Variants in PIBF1 observed in about 807,000 individuals in gnomAD.
PIBF1 encodes progesterone-induced-blocking factor 1.
PIBF1 carries 90 observed loss-of-function variants against 112.5 expected under a neutral mutation model. The observed-to-expected ratio is 0.80, with a 90% CI of 0.67 to 0.95. The LOEUF is 0.95. PIBF1 is among the 40% of genes least tolerant of loss of function. PIBF1 has a pLI of 0.00. For missense variants in PIBF1, 915 were observed against 852.3 expected (o/e 1.07, Z -0.92); for synonymous variants, 301 against 288.6 (o/e 1.04, Z -0.44).
chr13:72,877,518 C>G (rs1320153567), intron 10 of PIBF1, among the ~76,000 whole-genome samples: 1 of 152,142 alleles, frequency 6.6e-6, no homozygotes. Flanking sequence ...GCCTGTCCTT[C>G]TGCTTTGGAA....
At chr13:72,798,151 A>G (rs1004342707) in intron 5 of PIBF1, 125 bp downstream of exon 5, 3 of 916,346 alleles carry the variant, frequency 3.3e-6, no homozygotes, top group Non-Finnish European at 4.8e-6. Flanking sequence ...GGTGACTGCT[A>G]CAGTTCAATA....
At chr13:72,805,487 G>A (rs1322339446) in intron 5 of PIBF1, among the ~76,000 whole-genome samples, 1 of 152,116 alleles carries the variant, frequency 6.6e-6, no homozygotes, top group African/African-American at 2.4e-5. Context: ...TTTTTCATAT[G>A]ACATTATTCA....
At chr13:72,920,646 A>T (rs140412751) in intron 13 of PIBF1, among the ~76,000 whole-genome samples, 4 of 152,146 alleles carry the variant, frequency 2.6e-5, no homozygotes, top group Admixed American at 6.6e-5. Context: ...TTGGAGCCAG[A>T]CGCACTGGCA....
chr13:72,993,053 G>A (rs561619482), intron 16 of PIBF1, among the ~76,000 whole-genome samples: 297 of 152,224 alleles, frequency 2.0e-3, no homozygotes, highest in Non-Finnish European at 3.4e-3. Context: ...AAATCAGTAG[G>A]CCAGATGCAG....
At chr13:72,937,996 A>G (rs116243062) in intron 14 of PIBF1, among the ~76,000 whole-genome samples, 83 of 152,306 alleles carry the variant, frequency 5.4e-4, no homozygotes, top group African/African-American at 2.0e-3. Flanking sequence ...AACAATTTTT[A>G]TAGAGCAGGT....
At chr13:72,916,384 C>T (rs1566443923) in intron 12 of PIBF1, among the ~76,000 whole-genome samples, 1 of 135,694 alleles carries the variant, frequency 7.4e-6, no homozygotes, top group Non-Finnish European at 1.5e-5. Flanking sequence ...AAGAGCGAAA[C>T]TCCATCTCAA....
chr13:72,909,111 A>G (rs764011326), intron 12 of PIBF1, among the ~76,000 whole-genome samples: 4 of 152,194 alleles, frequency 2.6e-5, no homozygotes, highest in Admixed American at 6.5e-5. Context: ...ATTGGTGACT[A>G]TTTCTAAATA....
intron 8 of PIBF1, among the ~76,000 whole-genome samples, chr13:72,830,730 A>C (rs2037065389): frequency 6.6e-6 from 1 of 152,088 alleles, no homozygotes; most frequent in African/African-American, 2.4e-5. Flanking sequence ...TTGGCCTGAA[A>C]TTTTGTTTTT....
chr13:72,831,758 G>A (rs1467657966), intron 8 of PIBF1, among the ~76,000 whole-genome samples: 3 of 152,028 alleles, frequency 2.0e-5, no homozygotes, highest in African/African-American at 7.2e-5. Flanking sequence ...ATGTCTATTA[G>A]GTCTGCTTGG....
chr13:72,782,681 GAGTT>G (rs1380414079), intron 1 of PIBF1, among the ~76,000 whole-genome samples: 9 of 152,112 alleles, frequency 5.9e-5, no homozygotes, highest in Admixed American at 1.3e-4. Flanking sequence ...TCTTATGAGA[GAGTT>G]AGAAGTAAGT....
At chr13:72,915,937 C>G (rs1486878844) in intron 12 of PIBF1, among the ~76,000 whole-genome samples, 1 of 152,032 alleles carries the variant, frequency 6.6e-6, no homozygotes. Context: ...CTGAAATATT[C>G]CTGAAAGTGA....
chr13:72,884,318 T>C (rs1192838634), intron 10 of PIBF1: 3 of 152,168 alleles, frequency 2.0e-5, no homozygotes, highest in African/African-American at 7.2e-5. Flanking sequence ...TTAAAGTTCA[T>C]CACTGGCTTT....
intron 17 of PIBF1, among the ~76,000 whole-genome samples, chr13:73,001,453 T>C (rs1042443220): frequency 2.0e-5 from 3 of 152,008 alleles, no homozygotes; most frequent in East Asian, 1.9e-4. Flanking sequence ...AATTCAGTGA[T>C]GGATGGGTGG....
chr13:72,856,125 G>A (rs1012775956), intron 10 of PIBF1, among the ~76,000 whole-genome samples: 10 of 152,066 alleles, frequency 6.6e-5, no homozygotes, highest in African/African-American at 2.2e-4. Context: ...AAGGCCATGC[G>A]ATACTCTAAT....
chr13:72,999,416 G>A (rs2043786361), intron 17 of PIBF1, among the ~76,000 whole-genome samples: 1 of 152,022 alleles, frequency 6.6e-6, no homozygotes, highest in Non-Finnish European at 1.5e-5. Flanking sequence ...TAAGAATCAA[G>A]ATTAAAAGGC....
At position 72,998,913 on chromosome 13, in the gene PIBF1, T is replaced by A. The variant is rs1022607197; in HGVS notation, c.2141T>A (p.Val714Glu). 2 of 1,612,010 alleles carry A rather than the reference T, an allele frequency of 1.2e-6. No homozygotes were observed. The highest frequency in any genetic ancestry group is 8.5e-7 in the Non-Finnish European group (1 of 1,178,444). Residue 714 changes from valine to glutamate, a missense_variant, in exon 17 of 18, where the codon GTG becomes GAG. Transcript: ENST00000326291. The part of the protein sequence containing the change: ...LLLTKTEPKH[V>E]TENQKSKTLN... ...CTCACTAAAACAGAACCAAAACATGTGACAGAAAATCAGAAATCAAAGACT... is the reference window on the plus strand; with the variant it reads ...CTCACTAAAACAGAACCAAAACATGAGACAGAAAATCAGAAATCAAAGACT...
intron 10 of PIBF1, among the ~76,000 whole-genome samples, chr13:72,874,083 G>T (rs1187244777): frequency 6.6e-6 from 1 of 152,120 alleles, no homozygotes; most frequent in East Asian, 1.9e-4. Context: ...TTTAAAACAC[G>T]GATATTACCA....
At chr13:73,012,442 C>T (rs982616353) in intron 17 of PIBF1, among the ~76,000 whole-genome samples, 2 of 151,934 alleles carry the variant, frequency 1.3e-5, no homozygotes, top group Non-Finnish European at 2.9e-5. Context: ...GAGAATATTT[C>T]AGGCCAGGCA....
chr13:72,879,104 G>C (rs1594109904), intron 10 of PIBF1, among the ~76,000 whole-genome samples: 1 of 152,226 alleles, frequency 6.6e-6, no homozygotes, highest in East Asian at 1.9e-4. Flanking sequence ...TTGATACACT[G>C]TAGGTAGATT....
Sources: allele counts gnomAD v4.1 joint callset (sites outside exome capture counted in the v4.1 genomes callset), GRCh38; gene constraint gnomAD v4.1.1; transcripts MANE v1.5; gene names NCBI Gene and HGNC (gene_info 2026-07-23, HGNC 2026-07-21).